The following TAS2R1 variants were observed in gnomAD, a reference collection of about 807,000 sequenced individuals.
TAS2R1 encodes the protein taste receptor type 2 member 1.
For missense variants in TAS2R1, 370 were observed against 353.4 expected, an observed-to-expected ratio of 1.05 and a Z score of -0.38; for synonymous variants, 141 against 134.2, an observed-to-expected ratio of 1.05 and a Z score of -0.35.
chr5:9,876,952 C>A, the TAS2R1 span, among the ~76,000 whole-genome samples: 1 of 152,184 alleles, frequency 6.6e-6, no homozygotes, highest in Non-Finnish European at 1.5e-5. Context: ...ACCACCAATA[C>A]TCAAGATGCA....
the TAS2R1 span, among the ~76,000 whole-genome samples, chr5:9,863,711 T>C: frequency 2.0e-5 from 3 of 152,212 alleles, no homozygotes; most frequent in Non-Finnish European, 2.9e-5. Flanking sequence ...CATACATGAC[T>C]GCCCAAGAAC....
the TAS2R1 span, among the ~76,000 whole-genome samples, chr5:9,871,823 C>T: frequency 3.9e-5 from 6 of 152,136 alleles, no homozygotes; most frequent in Non-Finnish European, 8.8e-5. Context: ...AAGAAATGCC[C>T]TGTCCAAATC....
At chr5:9,860,490 C>A in the TAS2R1 span, among the ~76,000 whole-genome samples, 1 of 152,176 alleles carries the variant, frequency 6.6e-6, no homozygotes, top group Admixed American at 6.5e-5. Flanking sequence ...TAGGAAATAA[C>A]AAGCTAAAGA....
the TAS2R1 span, among the ~76,000 whole-genome samples, chr5:9,756,743 T>C: frequency 6.6e-6 from 1 of 152,314 alleles, no homozygotes; most frequent in East Asian, 1.9e-4. Context: ...ATATAGGAGC[T>C]GATCTTTGCA....
At chr5:9,648,886 A>G (rs1468887763) in intron 2 of TAS2R1, among the ~76,000 whole-genome samples, 1 of 152,134 alleles carries the variant, frequency 6.6e-6, no homozygotes, top group Non-Finnish European at 1.5e-5. Context: ...TCTGTCTCCA[A>G]CTTTTCTCAT....
the TAS2R1 span, among the ~76,000 whole-genome samples, chr5:9,771,959 A>G: frequency 1.3e-5 from 2 of 151,830 alleles, no homozygotes; most frequent in Admixed American, 1.3e-4. Flanking sequence ...ACAACTTTTA[A>G]TTTTGTTTAT....
At chr5:9,903,387 T>C in the TAS2R1 span, 1 of 151,990 alleles carries the variant, frequency 6.6e-6, no homozygotes, top group Non-Finnish European at 1.5e-5. Context: ...CATGGATAAG[T>C]TTTCCGTGGT....
chr5:9,900,388 T>C, the TAS2R1 span, among the ~76,000 whole-genome samples: 1 of 152,214 alleles, frequency 6.6e-6, no homozygotes. Flanking sequence ...TACCCTATAT[T>C]CATTAACTTA....
chr5:9,842,990 G>A, the TAS2R1 span, among the ~76,000 whole-genome samples: 9 of 152,186 alleles, frequency 5.9e-5, no homozygotes, highest in Admixed American at 5.9e-4. Flanking sequence ...TAAGAATCTA[G>A]CATCTCTGTT....
At chr5:9,754,319 C>T in the TAS2R1 span, among the ~76,000 whole-genome samples, 2,608 of 152,198 alleles carry the variant, frequency 0.017, 77 homozygotes, top group African/African-American at 0.059. Flanking sequence ...TGGGCAAAAA[C>T]TGGAAGCATT....
chr5:9,863,260 AAAG>A, the TAS2R1 span: 5 of 149,646 alleles, frequency 3.3e-5, no homozygotes, highest in African/African-American at 1.3e-4. Flanking sequence ...GCTGAGACCC[AAAG>A]ATTTTTTTTT....
the TAS2R1 span, among the ~76,000 whole-genome samples, chr5:9,841,264 T>C: frequency 6.6e-6 from 1 of 152,220 alleles, no homozygotes; most frequent in Non-Finnish European, 1.5e-5. Flanking sequence ...TGGTGCTGAA[T>C]GTCTTTAATC....
the TAS2R1 span, among the ~76,000 whole-genome samples, chr5:9,768,198 G>A: frequency 2.9e-4 from 44 of 152,210 alleles, no homozygotes; most frequent in East Asian, 2.7e-3. Context: ...TGTTCTACCC[G>A]AAGTCTGCAC....
At chr5:9,719,740 C>A in the TAS2R1 span, among the ~76,000 whole-genome samples, 1 of 150,142 alleles carries the variant, frequency 6.7e-6, no homozygotes, top group Non-Finnish European at 1.5e-5. Context: ...CACGGTGAAA[C>A]CCCGTCTCTA....
chr5:9,644,957 T>C (rs894377181), intron 2 of TAS2R1, among the ~76,000 whole-genome samples: 1 of 152,158 alleles, frequency 6.6e-6, no homozygotes. Flanking sequence ...CTAAGGAAGA[T>C]TGGTCTGCAG....
chr5:9,834,820 C>T, the TAS2R1 span, among the ~76,000 whole-genome samples: 75 of 151,834 alleles, frequency 4.9e-4, no homozygotes, highest in African/African-American at 1.7e-3. Context: ...AGAGTTCTTA[C>T]GGGGAGAAGC....
chr5:9,786,537 G>T, the TAS2R1 span, among the ~76,000 whole-genome samples: 5 of 152,164 alleles, frequency 3.3e-5, no homozygotes. Context: ...CTCAACGTGG[G>T]CTGAGTATTC....
chr5:9,757,956 G>A, the TAS2R1 span, among the ~76,000 whole-genome samples: 1 of 151,932 alleles, frequency 6.6e-6, no homozygotes, highest in Non-Finnish European at 1.5e-5. Context: ...TGTATATACA[G>A]TTAATATCAA....
chr5:9,676,754 A>G (rs1393445578), intron 1 of TAS2R1, among the ~76,000 whole-genome samples: 1 of 152,196 alleles, frequency 6.6e-6, no homozygotes, highest in Non-Finnish European at 1.5e-5. Flanking sequence ...AATTTGATAA[A>G]TTAGACTTTA....
Sources: gnomAD v4.1 joint callset for allele counts (sites outside exome capture counted in the v4.1 genomes callset) on GRCh38, gnomAD v4.1.1 for gene constraint, MANE v1.5 for transcripts, NCBI Gene and HGNC (gene_info 2026-07-23, HGNC 2026-07-21) for gene names.